DCDC2: variants seen among roughly 807,000 people sequenced by gnomAD.
DCDC2 encodes doublecortin domain containing 2.
A neutral mutation model predicts 50.2 loss-of-function variants in DCDC2; 40 were observed. That is an observed-to-expected ratio of 0.80 (90% confidence interval 0.62 to 1.04). DCDC2 has a LOEUF of 1.04. Ranked by LOEUF, DCDC2 falls within the 50% of genes least tolerant of loss-of-function variation. DCDC2 has a pLI of 0.00. For missense variants in DCDC2, 570 were observed against 581.9 expected (o/e 0.98, Z 0.21); for synonymous variants, 234 against 210.6 (o/e 1.11, Z -0.96).
chr6:24,275,719 T>C lies in DCDC2; in HGVS notation c.922+2330A>G, dbSNP rs187728399. Among the ~76,000 whole-genome samples, 446 of 152,098 alleles carry C rather than the reference T, an allele frequency of 2.9e-3. 1 individual carries two copies. Among genetic ancestry groups the C allele is most frequent in the African/African-American group, 0.01 (430 of 41,504 alleles). On this transcript the variant is annotated intron_variant, in intron 7 of 9. Transcript: ENST00000378454. ...CTGCAAAATTCTCTAAAGAAAAAAA[T>C]AAAAGAACAGGAAGGCTTATACCTT...
chr6:24,172,653 A>C lies in DCDC2; in HGVS notation c.*2077T>G, dbSNP rs1760807187. 1 of 152,128 alleles carries C rather than the reference A, an allele frequency of 6.6e-6. No homozygotes were observed. The highest frequency in any genetic ancestry group is 1.5e-5 in the Non-Finnish European group (1 of 68,022). The allele number at this position is 152,128 out of a possible 1,614,324, so 9.4% of individuals were successfully genotyped here. On this transcript the variant is annotated 3_prime_UTR_variant, in exon 10 of 10. Coordinates refer to ENST00000378454, the MANE Select transcript of DCDC2 (RefSeq NM_016356.5). ...ATCAGTTATTTTTAGAAACTATTTG[A>C]AATCATTAACTCCAGACCCAGTAAT...
intron 2 of DCDC2, among the ~76,000 whole-genome samples, chr6:24,311,354 C>T (rs1303775747): frequency 2.6e-5 from 4 of 152,156 alleles, no homozygotes; most frequent in African/African-American, 9.7e-5. Context: ...ATGTAGACTG[C>T]ATATTTATTT....
intron 2 of DCDC2, among the ~76,000 whole-genome samples, chr6:24,338,306 T>C (rs867931253): frequency 1.3e-5 from 2 of 152,066 alleles, no homozygotes; most frequent in Non-Finnish European, 2.9e-5. Flanking sequence ...GCTGGCTCAA[T>C]ATTCAAAAGT....
intron 2 of DCDC2, among the ~76,000 whole-genome samples, chr6:24,308,985 C>G (rs1759524340): frequency 6.6e-6 from 1 of 152,014 alleles, no homozygotes; most frequent in South Asian, 2.1e-4. Flanking sequence ...AAGATACAAA[C>G]CTGGATCTGC....
chr6:24,369,461 T>C, the DCDC2 span, among the ~76,000 whole-genome samples: 2 of 151,550 alleles, frequency 1.3e-5, no homozygotes, highest in African/African-American at 2.4e-5. Flanking sequence ...GTACAAAAAA[T>C]TAGCCATGCA....
chr6:24,298,187 T>C (rs1013233338), intron 4 of DCDC2, among the ~76,000 whole-genome samples: 11 of 152,338 alleles, frequency 7.2e-5, no homozygotes, highest in African/African-American at 2.4e-4. Context: ...ATAGGCTTCA[T>C]GCTCCTATGA....
At chr6:24,207,822 C>A (rs1289145227) in intron 7 of DCDC2, among the ~76,000 whole-genome samples, 2 of 152,194 alleles carry the variant, frequency 1.3e-5, no homozygotes, top group East Asian at 3.8e-4. Context: ...CCCCCTACAC[C>A]CACGTGTCCT....
chr6:24,242,166 C>G (rs1446493998), intron 7 of DCDC2, among the ~76,000 whole-genome samples: 1 of 151,970 alleles, frequency 6.6e-6, no homozygotes, highest in Non-Finnish European at 1.5e-5. Flanking sequence ...AGAGTAAGAC[C>G]CTCTCTCAAA....
chr6:24,308,069 G>T (rs1240953603), intron 2 of DCDC2, among the ~76,000 whole-genome samples: 1 of 152,186 alleles, frequency 6.6e-6, no homozygotes, highest in Non-Finnish European at 1.5e-5. Flanking sequence ...AAACCCAGAT[G>T]CAGAGCAAGT....
intron 2 of DCDC2, among the ~76,000 whole-genome samples, chr6:24,348,279 G>A (rs1042894736): frequency 6.6e-6 from 1 of 152,160 alleles, no homozygotes; most frequent in Admixed American, 6.5e-5. Context: ...CTGTTTTTAA[G>A]GTGAAATTAA....
At chr6:24,274,133 A>C (rs975609628) in intron 7 of DCDC2, among the ~76,000 whole-genome samples, 1 of 152,194 alleles carries the variant, frequency 6.6e-6, no homozygotes, top group African/African-American at 2.4e-5. Context: ...TATCAATACA[A>C]TGTAAGTCAA....
At chr6:24,241,293 A>G (rs912122986) in intron 7 of DCDC2, among the ~76,000 whole-genome samples, 3 of 152,210 alleles carry the variant, frequency 2.0e-5, no homozygotes, top group African/African-American at 7.2e-5. Context: ...ACACTTTTAC[A>G]TTGCTGCATT....
chr6:24,324,696 T>C (rs953238247), intron 2 of DCDC2, among the ~76,000 whole-genome samples: 5 of 151,972 alleles, frequency 3.3e-5, no homozygotes, highest in African/African-American at 1.2e-4. Context: ...ACAGCCCGAA[T>C]AATATAGTAG....
At chr6:24,225,938 A>T (rs901613637) in intron 7 of DCDC2, among the ~76,000 whole-genome samples, 1 of 152,150 alleles carries the variant, frequency 6.6e-6, no homozygotes. Context: ...ACTACTACAC[A>T]CCATTGTGAA....
intron 2 of DCDC2, among the ~76,000 whole-genome samples, chr6:24,331,871 C>G (rs1759970635): frequency 6.6e-6 from 1 of 152,082 alleles, no homozygotes. Flanking sequence ...CCTCAGCAAC[C>G]AGAAAACCAA....
At chr6:24,271,232 G>C (rs938491276) in intron 7 of DCDC2, among the ~76,000 whole-genome samples, 1 of 65,334 alleles carries the variant, frequency 1.5e-5, no homozygotes, top group Non-Finnish European at 3.5e-5. Flanking sequence ...AAAAGAGAGA[G>C]AGAGAGAGAA....
chr6:24,350,837 T>C (rs1009796995), intron 2 of DCDC2, among the ~76,000 whole-genome samples: 4 of 152,200 alleles, frequency 2.6e-5, no homozygotes, highest in Non-Finnish European at 5.9e-5. Context: ...ACATTAATGT[T>C]GAAAGGAAAT....
At chr6:24,209,392 T>G (rs1197277984) in intron 7 of DCDC2, among the ~76,000 whole-genome samples, 1 of 152,198 alleles carries the variant, frequency 6.6e-6, no homozygotes, top group Admixed American at 6.5e-5. Flanking sequence ...ACATCAGCTA[T>G]TCTACCACGA....
chr6:24,218,628 C>T (rs1016074021), intron 7 of DCDC2, among the ~76,000 whole-genome samples: 5 of 152,072 alleles, frequency 3.3e-5, no homozygotes, highest in African/African-American at 4.8e-5. Flanking sequence ...GCTGGGACTA[C>T]GGGCATGCAT....
Sources: allele counts gnomAD v4.1 joint callset (sites outside exome capture counted in the v4.1 genomes callset), GRCh38; gene constraint gnomAD v4.1.1; transcripts MANE v1.5; gene names NCBI Gene and HGNC (gene_info 2026-07-23, HGNC 2026-07-21).